Variants in KCMF1 observed in about 807,000 individuals in gnomAD.
The protein encoded by KCMF1 is potassium channel modulatory factor 1, also known as E3 ubiquitin-protein ligase KCMF1.
Under a neutral mutation model 41.1 loss-of-function variants are expected in KCMF1, and 3 were observed. That is an observed-to-expected ratio of 0.07 (90% CI 0.03 to 0.19). The LOEUF (loss-of-function observed/expected upper bound fraction) is 0.19, where lower values mean the gene tolerates loss of function less well. KCMF1 is among the 10% of genes least tolerant of loss of function. The probability of loss-of-function intolerance (pLI) is 1.00; values close to 1 mark genes in which losing one functional copy is unlikely to be tolerated. For synonymous variants in KCMF1, 142 were observed against 164.5 expected (o/e 0.86, Z 1.04); for missense variants, 286 against 488.9 (o/e 0.58, Z 3.91).
At chr2:84,971,500 C>T in intron 1 of KCMF1, 33 bp downstream of exon 1, 4 of 1,205,288 alleles carry the variant, frequency 3.3e-6, no homozygotes, top group Non-Finnish European at 4.2e-6. Context: ...CCCGCACCTC[C>T]CGGGCCTCGG....
intron 1 of KCMF1, among the ~76,000 whole-genome samples, chr2:85,016,303 C>G (rs770339220): frequency 5.3e-5 from 8 of 152,138 alleles, no homozygotes; most frequent in Non-Finnish European, 7.4e-5. Flanking sequence ...CCCCATTTCT[C>G]TCTCCTCTTG....
At chr2:85,029,953 G>A (rs1303387993) in intron 2 of KCMF1, among the ~76,000 whole-genome samples, 1 of 152,044 alleles carries the variant, frequency 6.6e-6, no homozygotes, top group Non-Finnish European at 1.5e-5. Flanking sequence ...AGAGTGCTGA[G>A]ATTACAGACA....
At chr2:85,005,694 A>G (rs1474479941) in intron 1 of KCMF1, among the ~76,000 whole-genome samples, 2 of 152,154 alleles carry the variant, frequency 1.3e-5, no homozygotes, top group East Asian at 1.9e-4. Flanking sequence ...TTAATAAACT[A>G]GAGATGAGGT....
At chr2:85,041,500 T>C (rs1178747574) in intron 3 of KCMF1, among the ~76,000 whole-genome samples, 1 of 152,202 alleles carries the variant, frequency 6.6e-6, no homozygotes, top group African/African-American at 2.4e-5. Context: ...CTGAAGCCTT[T>C]GCAGCTATCA....
chr2:85,025,297 G>T (rs1376746077), intron 1 of KCMF1, among the ~76,000 whole-genome samples: 8 of 152,024 alleles, frequency 5.3e-5, no homozygotes, highest in Non-Finnish European at 8.8e-5. Flanking sequence ...CCTATCTTTG[G>T]TTAGATTTAT....
chr2:85,022,105 C>A (rs542255738), intron 1 of KCMF1, among the ~76,000 whole-genome samples: 7 of 152,118 alleles, frequency 4.6e-5, no homozygotes, highest in Non-Finnish European at 1.0e-4. Flanking sequence ...GTGTGAGCCA[C>A]CACGCCCGGC....
chr2:85,035,233 T>C, intron 3 of KCMF1, 78 bp downstream of exon 3: 1 of 1,205,442 alleles, frequency 8.3e-7, no homozygotes, highest in South Asian at 1.5e-5. Context: ...GCTAGGTCAC[T>C]GTCATCTGCT....
intron 2 of KCMF1, among the ~76,000 whole-genome samples, chr2:85,031,001 A>G (rs1240090821): frequency 1.3e-5 from 2 of 152,190 alleles, no homozygotes; most frequent in Non-Finnish European, 2.9e-5. Context: ...CCAAGCCTAC[A>G]TGTCTGTCTT....
At position 85,055,189 on chromosome 2, in the gene KCMF1, T is replaced by G. The variant is rs1231575685; in HGVS notation, c.*1780T>G. On this transcript the variant is annotated 3_prime_UTR_variant, in exon 7 of 7. Coordinates refer to ENST00000409785, the MANE Select transcript of KCMF1 (RefSeq NM_020122.5). ...AAAATCAGTTTTCAAGCTGTGGTCT[T>G]TCAAACACATCTGCACATAAGTCAC... 1 of 152,250 alleles carries G rather than the reference T, an allele frequency of 6.6e-6. No individual in the cohort carries two copies. Among genetic ancestry groups the G allele is most frequent in the African/African-American group, 2.4e-5 (1 of 41,476 alleles). The allele number at this position is 152,250 out of a possible 1,614,324, so 9.4% of individuals were successfully genotyped here. A position where few individuals can be genotyped will look rare whatever the true frequency, so the allele number is the denominator to read the frequency against.
chr2:84,984,597 G>A (rs564539996), intron 1 of KCMF1, among the ~76,000 whole-genome samples: 3 of 152,158 alleles, frequency 2.0e-5, no homozygotes, highest in Admixed American at 2.0e-4. Context: ...GAGGTGGGTG[G>A]CTCATCTGAG....
chr2:84,982,891 A>G (rs1673801231), intron 1 of KCMF1, among the ~76,000 whole-genome samples: 1 of 152,244 alleles, frequency 6.6e-6, no homozygotes, highest in Non-Finnish European at 1.5e-5. Flanking sequence ...ATATGAATAT[A>G]CATAGTGGTC....
At position 84,981,079 on chromosome 2, in the gene KCMF1, C is replaced by G. The variant is rs532327356; in HGVS notation, c.16+9612C>G. ...CTACTAGAAAAAAAAAAACTGAGAT[C>G]AGAAGAGTGGGTCAGTTGTATTACC... On this transcript the variant is annotated intron_variant, in intron 1 of 6. Coordinates refer to ENST00000409785, the MANE Select transcript of KCMF1 (RefSeq NM_020122.5). Among the ~76,000 whole-genome samples the G allele has an allele frequency of 2.8e-4, 43 of 151,736 alleles. 1 individual carries two copies. Among genetic ancestry groups the G allele is most frequent in the African/African-American group, 1.0e-3 (42 of 41,374 alleles).
At chr2:84,989,055 C>G (rs926475757) in intron 1 of KCMF1, among the ~76,000 whole-genome samples, 2 of 152,110 alleles carry the variant, frequency 1.3e-5, no homozygotes, top group Non-Finnish European at 1.5e-5. Context: ...GCAGGTTGTA[C>G]AAAACCAGAT....
chr2:85,026,392 C>T (rs1362283192), intron 1 of KCMF1, among the ~76,000 whole-genome samples: 1 of 148,030 alleles, frequency 6.8e-6, no homozygotes, highest in Non-Finnish European at 1.5e-5. Context: ...TTGTCTTAGC[C>T]TCCCAAAGTG....
chr2:84,973,825 CT>C (rs1238178193), intron 1 of KCMF1, among the ~76,000 whole-genome samples: 8,660 of 110,340 alleles, frequency 0.078, 310 homozygotes, highest in East Asian at 0.26. Flanking sequence ...TTATTTCTTT[CT>C]TTTTTTTTTT....
At chr2:85,027,624 C>T (rs1558580670) in intron 1 of KCMF1, among the ~76,000 whole-genome samples, 2 of 151,996 alleles carry the variant, frequency 1.3e-5, no homozygotes, top group Non-Finnish European at 2.9e-5. Context: ...ATCCACCCGC[C>T]TCGACCCCCG....
rs1057314608 is a variant in KCMF1, at chr2:84,976,633, AAAAAAAAAC to A, written c.16+5175_16+5183del. ...GCTGAGAGACCCTATTTCTTTAAAA[AAAAAAAAAC>A]AAAAAAAAACAAATTGAGATTTCAA... On this transcript the variant is annotated intron_variant, in intron 1 of 6. Coordinates refer to ENST00000409785, the MANE Select transcript of KCMF1 (RefSeq NM_020122.5). Among the ~76,000 whole-genome samples, 81 of 143,258 alleles carry A rather than the reference AAAAAAAAAC, an allele frequency of 5.7e-4. 1 individual carries two copies. Among genetic ancestry groups the A allele is most frequent in the African/African-American group, 2.4e-3 (81 of 33,262 alleles). The allele number at this position is 143,258 out of a possible 152,430, so 94.0% of individuals were successfully genotyped here. A position where few individuals can be genotyped will look rare whatever the true frequency, so the allele number is the denominator to read the frequency against.
At chr2:85,043,480 G>T in intron 3 of KCMF1, 84 bp from the exon 4 acceptor site, 1 of 810,052 alleles carries the variant, frequency 1.2e-6, no homozygotes, top group Non-Finnish European at 2.1e-6. Flanking sequence ...CTTGATAATA[G>T]TAAAACTTAC....
At chr2:85,019,916 A>G (rs1041466583) in intron 1 of KCMF1, among the ~76,000 whole-genome samples, 1 of 152,036 alleles carries the variant, frequency 6.6e-6, no homozygotes, top group Non-Finnish European at 1.5e-5. Flanking sequence ...TATATATATT[A>G]CAGAAATGAT....
Sources: allele counts gnomAD v4.1 joint callset (sites outside exome capture counted in the v4.1 genomes callset), GRCh38; gene constraint gnomAD v4.1.1; transcripts MANE v1.5; gene names NCBI Gene and HGNC (gene_info 2026-07-23, HGNC 2026-07-21).